PTPRD: variants seen among roughly 807,000 people sequenced by gnomAD.
PTPRD encodes protein tyrosine phosphatase receptor type D.
Under a neutral mutation model 214.5 loss-of-function variants are expected in PTPRD, and 34 were observed. That is an observed-to-expected ratio of 0.16 (90% confidence interval 0.12 to 0.21). The LOEUF is 0.21. Ranked by LOEUF, PTPRD falls within the 10% of genes least tolerant of loss-of-function variation. The pLI is 1.00. For missense variants in PTPRD, 2,545 were observed against 2,398.7 expected (o/e 1.06, Z -1.27); for synonymous variants, 1,128 against 845.7 (o/e 1.33, Z -5.79).
chr9:8,972,206 A>G (rs1459637363), intron 11 of PTPRD, among the ~76,000 whole-genome samples: 6 of 151,922 alleles, frequency 3.9e-5, no homozygotes, highest in African/African-American at 1.4e-4. Flanking sequence ...TTTCTCTTTC[A>G]GTAGACTAAT....
At chr9:8,846,624 C>T (rs1601725462) in intron 11 of PTPRD, among the ~76,000 whole-genome samples, 1 of 151,916 alleles carries the variant, frequency 6.6e-6, no homozygotes, top group Non-Finnish European at 1.5e-5. Context: ...GGGGACATTC[C>T]AAATGGAAGA....
intron 7 of PTPRD, among the ~76,000 whole-genome samples, chr9:9,640,869 A>G (rs1348836887): frequency 6.6e-6 from 1 of 152,252 alleles, no homozygotes; most frequent in African/African-American, 2.4e-5. Flanking sequence ...GGATACTTAA[A>G]GCAAGTACAT....
intron 3 of PTPRD, among the ~76,000 whole-genome samples, chr9:10,256,430 A>G (rs1575258): frequency 0.15 from 23,054 of 151,308 alleles, 1,856 homozygotes; most frequent in African/African-American, 0.19. Flanking sequence ...GTACACTCTA[A>G]CATAATAAAA....
At chr9:9,554,196 C>G (rs367586627) in intron 8 of PTPRD, among the ~76,000 whole-genome samples, 141 of 152,154 alleles carry the variant, frequency 9.3e-4, no homozygotes, top group South Asian at 3.1e-3. Flanking sequence ...ATGGAAAACA[C>G]TATCAAGTAA....
intron 7 of PTPRD, among the ~76,000 whole-genome samples, chr9:9,717,244 C>A (rs182407916): frequency 6.6e-6 from 1 of 152,210 alleles, no homozygotes; most frequent in East Asian, 1.9e-4. Flanking sequence ...TGCTGTTTTG[C>A]TTACTATAGC....
At chr9:9,091,738 G>C (rs982760718) in intron 10 of PTPRD, among the ~76,000 whole-genome samples, 3 of 152,136 alleles carry the variant, frequency 2.0e-5, no homozygotes, top group Non-Finnish European at 4.4e-5. Flanking sequence ...AAACCTAACA[G>C]AACCAGCCAA....
At chr9:8,816,472 G>A (rs764756504) in intron 11 of PTPRD, among the ~76,000 whole-genome samples, 1 of 152,150 alleles carries the variant, frequency 6.6e-6, no homozygotes. Context: ...GGGATGGCAA[G>A]CTAGCAGTAT....
At chr9:9,659,069 G>T (rs541688156) in intron 7 of PTPRD, among the ~76,000 whole-genome samples, 1 of 152,084 alleles carries the variant, frequency 6.6e-6, no homozygotes, top group African/African-American at 2.4e-5. Context: ...AAGAAAAGAG[G>T]TGAAGATATA....
intron 9 of PTPRD, among the ~76,000 whole-genome samples, chr9:9,228,735 T>A (rs1304967565): frequency 2.6e-5 from 4 of 152,154 alleles, no homozygotes; most frequent in Non-Finnish European, 5.9e-5. Flanking sequence ...GTATTTCAAA[T>A]GCCTAGCGTA....
intron 8 of PTPRD, among the ~76,000 whole-genome samples, chr9:9,500,041 G>T (rs1267620921): frequency 6.6e-6 from 1 of 152,104 alleles, no homozygotes; most frequent in Non-Finnish European, 1.5e-5. Context: ...TTGTTTAGGA[G>T]TAATTTGCAG....
At chr9:8,976,989 C>T (rs1007104610) in intron 11 of PTPRD, among the ~76,000 whole-genome samples, 1 of 152,164 alleles carries the variant, frequency 6.6e-6, no homozygotes, top group East Asian at 1.9e-4. Context: ...CCATTTGGCT[C>T]TGCAAAAAAG....
At chr9:8,771,059 T>A (rs938020309) in intron 11 of PTPRD, among the ~76,000 whole-genome samples, 3 of 151,892 alleles carry the variant, frequency 2.0e-5, no homozygotes, top group Middle Eastern at 3.4e-3. Flanking sequence ...CGGGCACCTG[T>A]AGTCCCAGCT....
intron 10 of PTPRD, among the ~76,000 whole-genome samples, chr9:9,062,011 C>A (rs751644980): frequency 1.3e-4 from 20 of 152,026 alleles, no homozygotes; most frequent in Non-Finnish European, 2.4e-4. Flanking sequence ...CCTTAATAAA[C>A]CAAGCATCTT....
chr9:9,982,757 AT>A (rs2095588209), intron 4 of PTPRD, among the ~76,000 whole-genome samples: 1 of 152,148 alleles, frequency 6.6e-6, no homozygotes, highest in Non-Finnish European at 1.5e-5. Flanking sequence ...AATTAAAAAA[AT>A]AAAATAAAAT....
intron 37 of PTPRD, among the ~76,000 whole-genome samples, chr9:8,388,530 G>A (rs1287633537): frequency 6.6e-6 from 1 of 152,124 alleles, no homozygotes; most frequent in Non-Finnish European, 1.5e-5. Context: ...ATGGTATACT[G>A]CTTACCCATT....
chr9:8,528,146 G>C (rs1364075188), intron 15 of PTPRD: 3 of 330,426 alleles, frequency 9.1e-6, no homozygotes, highest in Middle Eastern at 8.1e-4. Flanking sequence ...TAATAAAATT[G>C]AAACATTTTA....
chr9:8,568,257 G>A (rs1407860895), intron 14 of PTPRD, among the ~76,000 whole-genome samples: 1 of 151,946 alleles, frequency 6.6e-6, no homozygotes, highest in Non-Finnish European at 1.5e-5. Context: ...TATTCTTTGG[G>A]TCTCCAAATC....
intron 7 of PTPRD, among the ~76,000 whole-genome samples, chr9:9,648,687 CTAAT>C (rs2096258721): frequency 3.9e-5 from 6 of 152,102 alleles, no homozygotes; most frequent in Admixed American, 2.0e-4. Flanking sequence ...TTATTGAAAA[CTAAT>C]TAGCCATGAA....
intron 3 of PTPRD, among the ~76,000 whole-genome samples, chr9:10,180,388 ACTC>A (rs1459513305): frequency 1.3e-5 from 2 of 151,658 alleles, no homozygotes; most frequent in African/African-American, 4.8e-5. Context: ...CTTTCCTACT[ACTC>A]TTCCCCTTGT....
Sources: allele counts gnomAD v4.1 joint callset (sites outside exome capture counted in the v4.1 genomes callset), GRCh38; gene constraint gnomAD v4.1.1; transcripts MANE v1.5; gene names NCBI Gene and HGNC (gene_info 2026-07-23, HGNC 2026-07-21).